Variants in HLCS observed in about 807,000 individuals in gnomAD.
HLCS encodes the protein biotin--protein ligase.
In HLCS, 53 loss-of-function variants were observed where a neutral mutation model predicts 75.0. The observed-to-expected ratio is 0.71, with a 90% CI of 0.57 to 0.89. HLCS has a LOEUF of 0.89. Ranked by LOEUF, HLCS falls within the 40% of genes least tolerant of loss-of-function variation. HLCS has a pLI of 0.00. For missense variants in HLCS, 966 were observed against 1,074.0 expected (o/e 0.90, Z 1.41); for synonymous variants, 431 against 428.6 (o/e 1.01, Z -0.07).
chr21:36,888,432 T>TAAAAA (rs1191691491), intron 6 of HLCS, among the ~76,000 whole-genome samples: 11 of 23,772 alleles, frequency 4.6e-4, no homozygotes, highest in Non-Finnish European at 5.0e-4. Flanking sequence ...CCTTCCCATT[T>TAAAAA]AAAAAAAAAA....
intron 6 of HLCS, among the ~76,000 whole-genome samples, chr21:36,836,602 G>A (rs377331574): frequency 2.0e-5 from 3 of 151,086 alleles, no homozygotes; most frequent in Admixed American, 6.6e-5. Context: ...GAAAATTTTC[G>A]CAACCTACTC....
At chr21:36,982,170 G>C (rs75424330) in intron 1 of HLCS, among the ~76,000 whole-genome samples, 17,567 of 151,894 alleles carry the variant, frequency 0.12, 1,665 homozygotes, top group African/African-American at 0.26. Context: ...ATACAATTTC[G>C]CAAAGCTGCA....
At chr21:36,843,559 A>G (rs964696927) in intron 6 of HLCS, among the ~76,000 whole-genome samples, 7 of 152,176 alleles carry the variant, frequency 4.6e-5, no homozygotes, top group African/African-American at 1.7e-4. Context: ...TTAAATGAAC[A>G]CTAGTAATGT....
chr21:36,970,097 G>C (rs779265831), upstream of HLCS, among the ~76,000 whole-genome samples: 1 of 152,182 alleles, frequency 6.6e-6, no homozygotes, highest in African/African-American at 2.4e-5. Context: ...AGTGTTTACT[G>C]TCCTATCCCC....
intron 5 of HLCS, among the ~76,000 whole-genome samples, chr21:36,914,718 G>C (rs1386259387): frequency 6.6e-6 from 1 of 152,212 alleles, no homozygotes; most frequent in East Asian, 1.9e-4. Flanking sequence ...AGAAAGCCAG[G>C]GTTGGCTCTA....
intron 6 of HLCS, among the ~76,000 whole-genome samples, chr21:36,776,795 G>A (rs1420517758): frequency 5.3e-5 from 8 of 152,348 alleles, no homozygotes; most frequent in African/African-American, 1.4e-4. Flanking sequence ...CTCTGCAGCC[G>A]TATGGTTTCT....
At chr21:36,931,466 G>A (rs1382722497) in intron 4 of HLCS, among the ~76,000 whole-genome samples, 1 of 151,974 alleles carries the variant, frequency 6.6e-6, no homozygotes, top group African/African-American at 2.4e-5. Flanking sequence ...GCGTTTGCAG[G>A]AGGCTGGGTA....
chr21:36,940,118 C>T (rs2067076986), intron 2 of HLCS, among the ~76,000 whole-genome samples: 2 of 152,000 alleles, frequency 1.3e-5, no homozygotes, highest in Admixed American at 1.3e-4. Flanking sequence ...ATACGTAATG[C>T]CCCCAGTAAA....
In HLCS at chr21:36,989,041, TATTTA is replaced by T. The variant is rs1205551058; in HGVS notation, c.-393+1112_-393+1116del. Among the ~76,000 whole-genome samples the T allele has an allele frequency of 2.1e-4, 32 of 148,844 alleles. No homozygotes were observed. The Middle Eastern group carries it at 0.01, about 47-fold the overall frequency. On this transcript the variant is annotated intron_variant, in intron 1 of 11. Transcript: ENST00000336648. The stretch of plus-strand genomic sequence containing the variant: ...TTTTATTTTATTTTATTTATTTATT[TATTTA>T]TTTTTTTTGAGACAGGGTCTCACTC...
chr21:36,772,409 G>C (rs1020909712), intron 6 of HLCS, among the ~76,000 whole-genome samples: 1 of 152,032 alleles, frequency 6.6e-6, no homozygotes, highest in East Asian at 1.9e-4. Context: ...GGCTGAGGTG[G>C]GTGGATCACT....
intron 1 of HLCS, among the ~76,000 whole-genome samples, chr21:36,976,741 A>G (rs1442565766): frequency 6.6e-6 from 1 of 152,202 alleles, no homozygotes; most frequent in Non-Finnish European, 1.5e-5. Flanking sequence ...TCAAAATAAT[A>G]GGTGATAAAA....
chr21:36,896,203 A>G (rs2065004746), intron 6 of HLCS, among the ~76,000 whole-genome samples: 2 of 152,286 alleles, frequency 1.3e-5, no homozygotes, highest in South Asian at 4.2e-4. Flanking sequence ...TACAAAACTT[A>G]GCTGGGCATA....
rs558119427 is a variant in HLCS at position 36,876,033 on chromosome 21, C to T, written c.1892+20827G>A. On this transcript the variant is annotated intron_variant, in intron 6 of 10. Transcript: ENST00000674895. The stretch of plus-strand genomic sequence containing the variant: ...ATCTAGCCTCAGCCTTGCACGGAGG[C>T]AGCACCCGTGCCAGGGCATGGAGCT... 8.5e-5 allele frequency among the ~76,000 whole-genome samples: 13 copies of T among 152,270 alleles called. No individual in the cohort carries two copies. The East Asian group carries it at 2.5e-3, about 30-fold the overall frequency.
intron 2 of HLCS, 85 bp downstream of exon 2, chr21:36,961,951 C>T: frequency 2.8e-6 from 2 of 721,836 alleles, no homozygotes; most frequent in South Asian, 1.7e-5. Flanking sequence ...AAGACTCTGT[C>T]TCAGGAAAAA....
chr21:36,775,747 C>T (rs1432098209), intron 6 of HLCS, among the ~76,000 whole-genome samples: 1 of 152,192 alleles, frequency 6.6e-6, no homozygotes, highest in Non-Finnish European at 1.5e-5. Flanking sequence ...AGAGTGTCCA[C>T]AGCCTTGACC....
intron 5 of HLCS, among the ~76,000 whole-genome samples, chr21:36,904,856 A>G (rs532135221): frequency 7.2e-5 from 11 of 152,298 alleles, no homozygotes; most frequent in African/African-American, 2.6e-4. Context: ...AAACTCTCCT[A>G]ATGACCATGC....
At chr21:36,812,915 C>T (rs986474263) in intron 6 of HLCS, among the ~76,000 whole-genome samples, 5 of 151,976 alleles carry the variant, frequency 3.3e-5, no homozygotes, top group Non-Finnish European at 7.4e-5. Context: ...AAAAATTAGC[C>T]GGGCATGGTG....
At chr21:36,939,144 A>G in intron 2 of HLCS, 150 bp from the exon 3 acceptor site, 1 of 710,958 alleles carries the variant, frequency 1.4e-6, no homozygotes, top group Non-Finnish European at 2.3e-6. Flanking sequence ...CATTTTACTA[A>G]TATCAGAGTT....
chr21:36,850,880 G>C (rs1452131548), intron 6 of HLCS, among the ~76,000 whole-genome samples: 1 of 152,150 alleles, frequency 6.6e-6, no homozygotes, highest in African/African-American at 2.4e-5. Flanking sequence ...GGGTCTACAA[G>C]CCAGCCAGGG....
Sources: gnomAD v4.1 joint callset for allele counts (sites outside exome capture counted in the v4.1 genomes callset) on GRCh38, gnomAD v4.1.1 for gene constraint, MANE v1.5 for transcripts, NCBI Gene and HGNC (gene_info 2026-07-23, HGNC 2026-07-21) for gene names.